The following CSTPP1 variants were observed in gnomAD, a reference collection of about 807,000 sequenced individuals.
The protein encoded by CSTPP1 is centriolar satellite-associated tubulin polyglutamylase complex regulator 1.
At chr11:47,101,848 G>C in the CSTPP1 span, among the ~76,000 whole-genome samples, 1 of 152,144 alleles carries the variant, frequency 6.6e-6, no homozygotes, top group Non-Finnish European at 1.5e-5. Flanking sequence ...GTAGGAATCA[G>C]AAGACATCAG....
chr11:46,953,728 A>G, the CSTPP1 span, among the ~76,000 whole-genome samples: 5 of 152,242 alleles, frequency 3.3e-5, no homozygotes, highest in African/African-American at 1.2e-4. Context: ...AAAGCAATTC[A>G]TAAGTAAGAA....
chr11:46,955,817 C>T, the CSTPP1 span, among the ~76,000 whole-genome samples: 2 of 151,868 alleles, frequency 1.3e-5, no homozygotes, highest in Non-Finnish European at 2.9e-5. Flanking sequence ...CACGGTGAAA[C>T]CCCGTCTCTA....
At chr11:46,966,686 T>C in the CSTPP1 span, among the ~76,000 whole-genome samples, 1 of 152,230 alleles carries the variant, frequency 6.6e-6, no homozygotes, top group Non-Finnish European at 1.5e-5. Context: ...ACAACTTTCA[T>C]GCTTTTGCAG....
At chr11:47,092,188 G>A in the CSTPP1 span, among the ~76,000 whole-genome samples, 2 of 152,110 alleles carry the variant, frequency 1.3e-5, no homozygotes, top group Non-Finnish European at 2.9e-5. Context: ...TAAAAAAGAG[G>A]TATTTTATTT....
chr11:47,128,852 A>G, the CSTPP1 span, among the ~76,000 whole-genome samples: 1 of 152,188 alleles, frequency 6.6e-6, no homozygotes, highest in African/African-American at 2.4e-5. Context: ...TCTTTTCTCT[A>G]TCATGATGTG....
At chr11:47,067,472 C>T in the CSTPP1 span, among the ~76,000 whole-genome samples, 1 of 152,080 alleles carries the variant, frequency 6.6e-6, no homozygotes. Context: ...AGAAATTCCT[C>T]CTGTAAGGAG....
At chr11:47,163,804 A>AC in the CSTPP1 span, among the ~76,000 whole-genome samples, 1 of 150,234 alleles carries the variant, frequency 6.7e-6, no homozygotes, top group Admixed American at 6.7e-5. Flanking sequence ...CACCGCCCCC[A>AC]CCCCGCTAAT....
chr11:46,945,342 C>T, the CSTPP1 span, among the ~76,000 whole-genome samples: 2 of 152,056 alleles, frequency 1.3e-5, no homozygotes, highest in Admixed American at 6.6e-5. Context: ...GGGCCAGGTG[C>T]GGTGGCTCAT....
chr11:46,958,882 G>T, the CSTPP1 span, among the ~76,000 whole-genome samples: 3 of 152,306 alleles, frequency 2.0e-5, no homozygotes, highest in South Asian at 6.2e-4. Context: ...TCTGCCTTTT[G>T]TTCTGCGTGG....
the CSTPP1 span, among the ~76,000 whole-genome samples, chr11:47,128,409 TCTCA>T: frequency 6.6e-6 from 1 of 152,204 alleles, no homozygotes; most frequent in Non-Finnish European, 1.5e-5. Context: ...TGAGACAGGG[TCTCA>T]CTCAGTCACC....
chr11:47,039,213 A>G, the CSTPP1 span, among the ~76,000 whole-genome samples: 2 of 127,886 alleles, frequency 1.6e-5, 1 homozygote. Context: ...CCTGGGCACC[A>G]TTGAGCACGG....
chr11:47,135,710 C>G, the CSTPP1 span, among the ~76,000 whole-genome samples: 1 of 152,228 alleles, frequency 6.6e-6, no homozygotes, highest in Non-Finnish European at 1.5e-5. Context: ...TCATTAATCT[C>G]TTTATCTGAC....
At chr11:47,142,484 T>C in the CSTPP1 span, among the ~76,000 whole-genome samples, 1 of 152,074 alleles carries the variant, frequency 6.6e-6, no homozygotes, top group Non-Finnish European at 1.5e-5. Flanking sequence ...GATACAGTCA[T>C]GAATAAGATA....
chr11:46,993,994 T>C, the CSTPP1 span, among the ~76,000 whole-genome samples: 1 of 152,216 alleles, frequency 6.6e-6, no homozygotes, highest in African/African-American at 2.4e-5. Context: ...GTCCTTCACA[T>C]CCCTTGTAAG....
chr11:46,958,952 A>G, the CSTPP1 span, among the ~76,000 whole-genome samples: 2 of 152,262 alleles, frequency 1.3e-5, no homozygotes, highest in Admixed American at 6.5e-5. Flanking sequence ...TCTTTATTCA[A>G]TCTACTCATT....
chr11:47,153,227 T>C, the CSTPP1 span, among the ~76,000 whole-genome samples: 5 of 152,300 alleles, frequency 3.3e-5, no homozygotes, highest in East Asian at 7.7e-4. Flanking sequence ...ACTTGGCCTT[T>C]GGCACTGCAC....
At chr11:47,056,027 T>A in the CSTPP1 span, among the ~76,000 whole-genome samples, 1 of 152,178 alleles carries the variant, frequency 6.6e-6, no homozygotes, top group Non-Finnish European at 1.5e-5. Context: ...TCAGCAAATA[T>A]TTGTTTTAGA....
At chr11:47,122,091 A>AATATATATATATATATAT in the CSTPP1 span, among the ~76,000 whole-genome samples, 26 of 31,814 alleles carry the variant, frequency 8.2e-4, no homozygotes, top group Non-Finnish European at 1.6e-3. Flanking sequence ...AAAAAAAAAA[A>AATATATATATATATATAT]ATATATATAT....
At chr11:46,950,962 C>T in the CSTPP1 span, among the ~76,000 whole-genome samples, 1 of 152,076 alleles carries the variant, frequency 6.6e-6, no homozygotes, top group Non-Finnish European at 1.5e-5. Context: ...CTTCATATGC[C>T]ATCTAGAGTA....
Sources: allele counts gnomAD v4.1 joint callset (sites outside exome capture counted in the v4.1 genomes callset), GRCh38; gene constraint gnomAD v4.1.1; transcripts MANE v1.5; gene names NCBI Gene and HGNC (gene_info 2026-07-23, HGNC 2026-07-21).